Variants in KALRN observed in about 807,000 individuals in gnomAD.
The protein encoded by KALRN is kalirin.
A neutral mutation model predicts 353.7 loss-of-function variants in KALRN; 70 were observed. The ratio of observed to expected loss-of-function variants is 0.20; its 90% CI spans 0.16 to 0.24. KALRN has a LOEUF of 0.24. KALRN is among the 10% of genes least tolerant of loss of function. The pLI is 1.00. For synonymous variants in KALRN, 1,391 were observed against 1,434.8 expected (o/e 0.97, Z 0.69); for missense variants, 2,791 against 3,756.7 (o/e 0.74, Z 6.72).
intron 1 of KALRN, among the ~76,000 whole-genome samples, chr3:124,099,891 C>A (rs1300878150): frequency 6.6e-6 from 1 of 152,172 alleles, no homozygotes; most frequent in East Asian, 1.9e-4. Flanking sequence ...GGGCCAGGTG[C>A]AGTGGCTCAT....
At chr3:124,190,833 T>A (rs1384206868) in intron 1 of KALRN, among the ~76,000 whole-genome samples, 1 of 152,198 alleles carries the variant, frequency 6.6e-6, no homozygotes, top group African/African-American at 2.4e-5. Flanking sequence ...TGCCCTATAA[T>A]TAAATTCAAT....
intron 28 of KALRN, among the ~76,000 whole-genome samples, chr3:124,486,574 C>T (rs1423082529): frequency 6.6e-6 from 1 of 152,136 alleles, no homozygotes; most frequent in Non-Finnish European, 1.5e-5. Flanking sequence ...GGGAATGTAT[C>T]CAAGGATTGG....
At chr3:124,663,822 T>C (rs763759395) in intron 45 of KALRN, among the ~76,000 whole-genome samples, 4 of 152,178 alleles carry the variant, frequency 2.6e-5, no homozygotes, top group African/African-American at 9.7e-5. Flanking sequence ...CTCATACCAC[T>C]GTATGAATAA....
At chr3:124,224,128 G>A (rs2078220224) in intron 1 of KALRN, among the ~76,000 whole-genome samples, 1 of 151,424 alleles carries the variant, frequency 6.6e-6, no homozygotes, top group Admixed American at 6.6e-5. Flanking sequence ...CGTTGGGTCA[G>A]GTCCATGAAG....
At chr3:124,110,658 T>A (rs557179767) in intron 1 of KALRN, among the ~76,000 whole-genome samples, 5 of 152,334 alleles carry the variant, frequency 3.3e-5, no homozygotes, top group South Asian at 2.1e-4. Context: ...GATTTTTATT[T>A]TCTTTTGACA....
chr3:124,193,984 G>C (rs1477472028), intron 1 of KALRN, among the ~76,000 whole-genome samples: 1 of 152,124 alleles, frequency 6.6e-6, no homozygotes. Context: ...ACTCCAAAAA[G>C]AGTGTTCCAA....
intron 23 of KALRN, among the ~76,000 whole-genome samples, chr3:124,460,199 G>A (rs144016709): frequency 1.8e-3 from 278 of 152,240 alleles, no homozygotes; most frequent in African/African-American, 4.6e-3. Context: ...TTCCAAATAA[G>A]ACCAAAATCT....
chr3:124,120,711 A>T (rs6438830), intron 1 of KALRN, among the ~76,000 whole-genome samples: 1,407 of 98,662 alleles, frequency 0.014, 43 homozygotes, highest in African/African-American at 0.055. Flanking sequence ...GAATACTAAA[A>T]ATATATATAT....
At chr3:124,370,378 G>A (rs1056013781) in intron 10 of KALRN, among the ~76,000 whole-genome samples, 1 of 152,196 alleles carries the variant, frequency 6.6e-6, no homozygotes, top group African/African-American at 2.4e-5. Context: ...TTTTAGGGGA[G>A]AAGGACTGTC....
chr3:124,155,422 T>G (rs1335862629), intron 1 of KALRN, among the ~76,000 whole-genome samples: 1 of 152,206 alleles, frequency 6.6e-6, no homozygotes, highest in Non-Finnish European at 1.5e-5. Context: ...TGAGTTTGAT[T>G]GTACTAAGTA....
chr3:124,576,381 A>G (rs1318744365), intron 34 of KALRN, among the ~76,000 whole-genome samples: 1 of 152,132 alleles, frequency 6.6e-6, no homozygotes, highest in Non-Finnish European at 1.5e-5. Context: ...GGGACGGATC[A>G]TGCATCAGGG....
intron 1 of KALRN, among the ~76,000 whole-genome samples, chr3:124,131,877 C>T (rs149640908): frequency 8.6e-4 from 131 of 152,234 alleles, no homozygotes; most frequent in African/African-American, 2.9e-3. Context: ...GCAATCTGTT[C>T]GCTTCCCTGG....
intron 34 of KALRN, among the ~76,000 whole-genome samples, chr3:124,590,340 C>A (rs956054700): frequency 6.6e-6 from 1 of 152,182 alleles, no homozygotes. Flanking sequence ...GCATGCCCAA[C>A]AATCACTGAT....
intron 1 of KALRN, among the ~76,000 whole-genome samples, chr3:124,188,105 A>G (rs899011240): frequency 7.2e-5 from 11 of 152,214 alleles, no homozygotes; most frequent in African/African-American, 2.7e-4. Context: ...GCAGCCAGGC[A>G]TTATGTTTTT....
At chr3:124,127,450 TTC>T (rs1329725657) in intron 1 of KALRN, among the ~76,000 whole-genome samples, 1 of 152,180 alleles carries the variant, frequency 6.6e-6, no homozygotes, top group Non-Finnish European at 1.5e-5. Context: ...TAATTTACCA[TTC>T]TCTGTTACCC....
intron 25 of KALRN, among the ~76,000 whole-genome samples, chr3:124,468,477 C>T (rs1344984545): frequency 6.6e-6 from 1 of 152,202 alleles, no homozygotes; most frequent in Non-Finnish European, 1.5e-5. Context: ...CTCTTTGCCC[C>T]TCCTACCCCT....
chr3:124,637,077 C>A lies in KALRN; in HGVS notation c.5569-131C>A, dbSNP rs533613951. 9.9e-5 allele frequency: 72 copies of A among 729,068 alleles called. 1 individual carries two copies. Among genetic ancestry groups the A allele is most frequent in the South Asian group, 8.6e-4 (54 of 63,004 alleles). 45.2% of individuals were successfully genotyped at this position (729,068 alleles called of 1,614,324 possible). On this transcript the variant is annotated intron_variant, in intron 36 of 59. Coordinates refer to ENST00000682506, the MANE Select transcript of KALRN (RefSeq NM_001388419.1). ...CACCCACACTCTTCTCCCTCTGTCA[C>A]CTCTTCCGTCTAAACACAGAACTTT...
rs112382974 is a variant in KALRN, at chr3:124,509,850, A to G, written c.4935+13437A>G. 4.3e-3 allele frequency among the ~76,000 whole-genome samples: 654 copies of G among 152,358 alleles called. 3 individuals are homozygous for G. Among genetic ancestry groups the G allele is most frequent in the African/African-American group, 0.015 (641 of 41,580 alleles). On this transcript the variant is annotated intron_variant, in intron 33 of 59. Transcript: ENST00000682506. ...AAAGCCTTTCAAATCTTAATTTTAT[A>G]TATAATCCTTATGATCTTTGCCATC...
chr3:124,358,457 A>C (rs948970799), intron 10 of KALRN, among the ~76,000 whole-genome samples: 12 of 152,192 alleles, frequency 7.9e-5, no homozygotes, highest in Non-Finnish European at 1.5e-4. Flanking sequence ...TCCGAAAGGC[A>C]ACAACAAAAC....
Sources: gnomAD v4.1 joint callset for allele counts (sites outside exome capture counted in the v4.1 genomes callset) on GRCh38, gnomAD v4.1.1 for gene constraint, MANE v1.5 for transcripts, NCBI Gene and HGNC (gene_info 2026-07-23, HGNC 2026-07-21) for gene names.